ZPBP: variants seen among roughly 807,000 people sequenced by gnomAD.
The protein encoded by ZPBP is zona pellucida-binding protein 1.
In ZPBP, 26 loss-of-function variants were observed where a neutral mutation model predicts 44.8. That is an observed-to-expected ratio of 0.58 (90% CI 0.43 to 0.81). The LOEUF is 0.81. Ranked by LOEUF, ZPBP falls within the 30% of genes least tolerant of loss-of-function variation. The probability of loss-of-function intolerance (pLI) is 0.00; values close to 1 mark genes in which losing one functional copy is unlikely to be tolerated. For missense variants in ZPBP, 409 were observed against 434.0 expected, an observed-to-expected ratio of 0.94 and a Z score of 0.51; for synonymous variants, 174 against 153.2, an observed-to-expected ratio of 1.14 and a Z score of -1.00.
chr7:49,866,945 C>T (rs1276744224), intron 2 of ZPBP, among the ~76,000 whole-genome samples: 1 of 152,208 alleles, frequency 6.6e-6, no homozygotes, highest in African/African-American at 2.4e-5. Context: ...CACACAGACC[C>T]AGAAGCCCAC....
At position 50,023,653 on chromosome 7, in the gene ZPBP, A is replaced by G. The variant is rs529344658; in HGVS notation, c.707-5337T>C. 3.9e-5 allele frequency among the ~76,000 whole-genome samples: 6 copies of G among 152,254 alleles called. No individual in the cohort carries two copies. The South Asian group carries it at 8.3e-4, about 21-fold the overall frequency. On this transcript the variant is annotated intron_variant, in intron 5 of 7. Coordinates refer to ENST00000046087, the MANE Select transcript of ZPBP (RefSeq NM_007009.3). The stretch of plus-strand genomic sequence containing the variant: ...AATTAAACACAGTTTCAAGAAACAG[A>G]GCAACCATCAAAACCAAACTCAGAT...
At chr7:49,862,550 G>C (rs1191910443) in intron 2 of ZPBP, among the ~76,000 whole-genome samples, 1 of 152,086 alleles carries the variant, frequency 6.6e-6, no homozygotes, top group Non-Finnish European at 1.5e-5. Flanking sequence ...CCTATTTTAG[G>C]GGGAAAGCTT....
At chr7:50,024,904 T>C (rs1225664625) in intron 5 of ZPBP, among the ~76,000 whole-genome samples, 1 of 151,930 alleles carries the variant, frequency 6.6e-6, no homozygotes, top group African/African-American at 2.4e-5. Context: ...TTAGTTTGCT[T>C]GACTTGCAAT....
intron 2 of ZPBP, among the ~76,000 whole-genome samples, chr7:49,896,050 G>C (rs1792369400): frequency 6.6e-6 from 1 of 152,118 alleles, no homozygotes; most frequent in Non-Finnish European, 1.5e-5. Context: ...TAATGAAAAA[G>C]AAAGTACAGG....
At chr7:50,012,865 T>C (rs1191803797) in intron 6 of ZPBP, among the ~76,000 whole-genome samples, 1 of 151,472 alleles carries the variant, frequency 6.6e-6, no homozygotes, top group African/African-American at 2.4e-5. Context: ...TATTTGCAGA[T>C]GACATGATAG....
intron 7 of ZPBP, among the ~76,000 whole-genome samples, chr7:49,950,095 A>G (rs2128757837): frequency 6.6e-6 from 1 of 152,090 alleles, no homozygotes; most frequent in African/African-American, 2.4e-5. Flanking sequence ...ACTGAGAACA[A>G]TCAATTTCAA....
At chr7:49,984,489 G>A (rs986548250) in intron 6 of ZPBP, among the ~76,000 whole-genome samples, 1 of 152,096 alleles carries the variant, frequency 6.6e-6, no homozygotes, top group Admixed American at 6.6e-5. Flanking sequence ...CACAGACCAG[G>A]GTGGTAGGAT....
chr7:49,864,740 G>A (rs1790808179), intron 2 of ZPBP, among the ~76,000 whole-genome samples: 1 of 152,174 alleles, frequency 6.6e-6, no homozygotes, highest in Admixed American at 6.5e-5. Flanking sequence ...ATTTATGAAT[G>A]CTGTCTGCTC....
intron 2 of ZPBP, among the ~76,000 whole-genome samples, chr7:49,873,182 G>A (rs552496268): frequency 8.5e-5 from 13 of 152,216 alleles, no homozygotes; most frequent in African/African-American, 3.1e-4. Flanking sequence ...GTCTGTTCGG[G>A]CTGCTATAAC....
At chr7:50,050,633 G>C (rs1392781661) in intron 4 of ZPBP, among the ~76,000 whole-genome samples, 1 of 151,580 alleles carries the variant, frequency 6.6e-6, no homozygotes, top group Non-Finnish European at 1.5e-5. Flanking sequence ...GCATGCCATA[G>C]TTAAATATAA....
intron 6 of ZPBP, among the ~76,000 whole-genome samples, chr7:49,991,921 G>C (rs1005574038): frequency 6.6e-6 from 1 of 151,864 alleles, no homozygotes; most frequent in Non-Finnish European, 1.5e-5. Flanking sequence ...GAAAGAGAGG[G>C]AAAGAGGGAA....
intron 6 of ZPBP, among the ~76,000 whole-genome samples, chr7:50,001,624 A>G (rs1584019117): frequency 6.6e-6 from 1 of 152,322 alleles, no homozygotes; most frequent in Middle Eastern, 3.4e-3. Context: ...TTTACAAGAC[A>G]CACACTGGGC....
At chr7:50,000,129 A>G (rs1037731749) in intron 6 of ZPBP, among the ~76,000 whole-genome samples, 2 of 152,204 alleles carry the variant, frequency 1.3e-5, no homozygotes, top group African/African-American at 2.4e-5. Context: ...TAAAGTAAGT[A>G]CTATGAAAAC....
intron 3 of ZPBP, among the ~76,000 whole-genome samples, chr7:50,060,462 A>G (rs1232161639): frequency 6.6e-6 from 1 of 152,230 alleles, no homozygotes; most frequent in Non-Finnish European, 1.5e-5. Context: ...AAACACCATC[A>G]GAAATGACAA....
intron 2 of ZPBP, among the ~76,000 whole-genome samples, chr7:49,864,407 T>G (rs960600664): frequency 2.0e-5 from 3 of 152,184 alleles, no homozygotes; most frequent in African/African-American, 7.2e-5. Context: ...TCTCAGTTTT[T>G]TTCTGATCAT....
intron 6 of ZPBP, among the ~76,000 whole-genome samples, chr7:50,014,152 G>C: frequency 6.6e-6 from 1 of 151,906 alleles, no homozygotes; most frequent in East Asian, 1.9e-4. Context: ...TTCATGTACT[G>C]GAAGATTGAA....
At chr7:50,080,389 A>T (rs1204914379) in intron 3 of ZPBP, among the ~76,000 whole-genome samples, 1 of 151,758 alleles carries the variant, frequency 6.6e-6, no homozygotes, top group Admixed American at 6.6e-5. Context: ...GGAAATAACT[A>T]CATTTATCAA....
At chr7:49,924,129 T>TAATAATA (rs1794137015) in intron 1 of ZPBP, among the ~76,000 whole-genome samples, 1 of 148,184 alleles carries the variant, frequency 6.7e-6, no homozygotes. Flanking sequence ...TCTCAAATAA[T>TAATAATA]AATAATAAAT....
At chr7:50,048,558 T>C (rs1341414668) in intron 4 of ZPBP, among the ~76,000 whole-genome samples, 1 of 151,658 alleles carries the variant, frequency 6.6e-6, no homozygotes, top group African/African-American at 2.4e-5. Context: ...AACTCAGAAA[T>C]GAAAATTAAC....
Sources: gnomAD v4.1 joint callset for allele counts (sites outside exome capture counted in the v4.1 genomes callset) on GRCh38, gnomAD v4.1.1 for gene constraint, MANE v1.5 for transcripts, NCBI Gene and HGNC (gene_info 2026-07-23, HGNC 2026-07-21) for gene names.